The following TCF12 variants were observed in gnomAD, a reference collection of about 807,000 sequenced individuals.
TCF12 encodes DNA-binding protein HTF4.
In TCF12, 45 loss-of-function variants were observed where a neutral mutation model predicts 86.0. The ratio of observed to expected loss-of-function variants is 0.52; its 90% CI spans 0.41 to 0.67. The LOEUF is 0.67. TCF12 is among the 30% of genes least tolerant of loss of function. TCF12 has a pLI of 0.00. For missense variants in TCF12, 881 were observed against 859.9 expected (o/e 1.02, Z -0.31); for synonymous variants, 330 against 299.6 (o/e 1.10, Z -1.05).
chr15:57,118,781 T>C (rs116766522), intron 5 of TCF12, among the ~76,000 whole-genome samples: 1 of 152,232 alleles, frequency 6.6e-6, no homozygotes, highest in Non-Finnish European at 1.5e-5. Context: ...TCTAAGTGTC[T>C]TTAGAGTTAG....
chr15:57,269,456 G>A (rs865920686), intron 18 of TCF12, among the ~76,000 whole-genome samples: 8 of 135,892 alleles, frequency 5.9e-5, no homozygotes, highest in Middle Eastern at 4.3e-3. Context: ...GTATCTTTGC[G>A]CATGAAGTGG....
chr15:57,092,102 CAAAA>C, intron 5 of TCF12: 2 of 408,406 alleles, frequency 4.9e-6, no homozygotes, highest in Non-Finnish European at 4.4e-6. Context: ...GTTTTGGTGT[CAAAA>C]AAAGAAGTGG....
chr15:57,068,135 G>A (rs1365248099), intron 4 of TCF12, among the ~76,000 whole-genome samples: 1 of 152,092 alleles, frequency 6.6e-6, no homozygotes, highest in African/African-American at 2.4e-5. Context: ...CTTACTACCT[G>A]TGTGATTCTG....
intron 3 of TCF12, among the ~76,000 whole-genome samples, chr15:57,030,585 TAGAA>T: frequency 6.6e-6 from 1 of 152,216 alleles, no homozygotes; most frequent in East Asian, 1.9e-4. Context: ...TCACGTTCAT[TAGAA>T]AGATTTTGGA....
At position 57,111,718 on chromosome 15, in the gene TCF12, A is replaced by G. The variant is rs1202143614; in HGVS notation, c.325+19827A>G. On this transcript the variant is annotated intron_variant, in intron 5 of 20. Coordinates refer to ENST00000333725, the MANE Select transcript of TCF12 (RefSeq NM_207037.2). The stretch of plus-strand genomic sequence containing the variant: ...GTGATCCTTCGGGCTCAGCCCCACC[A>G]AGTAGCTGGGACTACAGGCACGAGC... 3.3e-5 allele frequency among the ~76,000 whole-genome samples: 5 copies of G among 151,346 alleles called. No homozygotes were observed. In the East Asian group the frequency reaches 9.7e-4, roughly 29 times the overall value.
intron 3 of TCF12, among the ~76,000 whole-genome samples, chr15:57,018,066 G>A (rs1387880553): frequency 6.6e-6 from 1 of 152,092 alleles, no homozygotes; most frequent in African/African-American, 2.4e-5. Flanking sequence ...AGTAATTTAG[G>A]ACACTAAAGT....
chr15:56,925,634 CTT>C (rs1250776529), intron 3 of TCF12, among the ~76,000 whole-genome samples: 1 of 152,130 alleles, frequency 6.6e-6, no homozygotes, highest in Admixed American at 6.5e-5. Context: ...TTGTCAAAGA[CTT>C]GGGTAATCTT....
chr15:57,125,967 A>G (rs2051616094), intron 5 of TCF12, among the ~76,000 whole-genome samples: 1 of 152,030 alleles, frequency 6.6e-6, no homozygotes, highest in Admixed American at 6.5e-5. Context: ...ACAGTGGCTT[A>G]CACCTGTAAT....
At chr15:57,012,055 G>A (rs1328758207) in intron 3 of TCF12, among the ~76,000 whole-genome samples, 3 of 151,992 alleles carry the variant, frequency 2.0e-5, no homozygotes, top group Non-Finnish European at 4.4e-5. Flanking sequence ...TAAATTTCAG[G>A]ACAGCATTTT....
intron 8 of TCF12, among the ~76,000 whole-genome samples, chr15:57,208,380 C>CT (rs1184422578): frequency 3.8e-4 from 25 of 65,586 alleles, no homozygotes; most frequent in African/African-American, 1.3e-3. Context: ...CAAAAATATC[C>CT]TTTTTTTTTT....
chr15:57,170,677 T>A (rs1462777683), intron 6 of TCF12, among the ~76,000 whole-genome samples: 17 of 1,306 alleles, frequency 0.013, 1 homozygote, highest in Non-Finnish European at 0.025. Flanking sequence ...ATATATATAA[T>A]ATATTATATA....
intron 5 of TCF12, among the ~76,000 whole-genome samples, chr15:57,121,529 C>T (rs2051230231): frequency 6.6e-6 from 1 of 152,118 alleles, no homozygotes; most frequent in Non-Finnish European, 1.5e-5. Context: ...GGCTCAAGGT[C>T]GAAAGGCGCA....
intron 3 of TCF12, among the ~76,000 whole-genome samples, chr15:57,036,548 T>C (rs1257642118): frequency 6.6e-6 from 1 of 152,210 alleles, no homozygotes; most frequent in Non-Finnish European, 1.5e-5. Flanking sequence ...TGCCTAGTAG[T>C]TGTGAAATGG....
chr15:57,226,428 AT>A (rs1312404502), intron 8 of TCF12, among the ~76,000 whole-genome samples: 2 of 152,110 alleles, frequency 1.3e-5, no homozygotes, highest in African/African-American at 4.8e-5. Context: ...GCTGAATATA[AT>A]TTCTGTTATT....
At chr15:57,139,938 T>C (rs753332768) in intron 5 of TCF12, among the ~76,000 whole-genome samples, 2 of 152,228 alleles carry the variant, frequency 1.3e-5, no homozygotes, top group Non-Finnish European at 2.9e-5. Context: ...TGGAGTATAG[T>C]AGATGCCGTC....
intron 4 of TCF12, 71 bp downstream of exon 4, chr15:57,063,894 G>A (rs1042779150): frequency 6.9e-6 from 8 of 1,157,728 alleles, no homozygotes; most frequent in Non-Finnish European, 9.9e-6. Flanking sequence ...CATATATGCT[G>A]TTTCTTATGA....
chr15:57,178,209 CAG>C (rs1375363686), intron 6 of TCF12, among the ~76,000 whole-genome samples: 21 of 152,122 alleles, frequency 1.4e-4, no homozygotes, highest in African/African-American at 5.1e-4. Context: ...GCCGGAACAA[CAG>C]AATGTTGACA....
intron 5 of TCF12, among the ~76,000 whole-genome samples, chr15:57,149,425 C>A (rs1238967408): frequency 6.6e-6 from 1 of 152,164 alleles, no homozygotes; most frequent in Non-Finnish European, 1.5e-5. Context: ...GGAAAATTGC[C>A]AGCCTTTTAA....
intron 5 of TCF12, among the ~76,000 whole-genome samples, chr15:57,100,888 A>T (rs908452781): frequency 1.3e-5 from 2 of 152,186 alleles, no homozygotes; most frequent in South Asian, 4.1e-4. Context: ...TTTAAATTGT[A>T]CAAGTATTAC....
Sources: gnomAD v4.1 joint callset for allele counts (sites outside exome capture counted in the v4.1 genomes callset) on GRCh38, gnomAD v4.1.1 for gene constraint, MANE v1.5 for transcripts, NCBI Gene and HGNC (gene_info 2026-07-23, HGNC 2026-07-21) for gene names.